DTNA: variants seen among roughly 807,000 people sequenced by gnomAD.
DTNA encodes dystrophin-related protein 3.
A neutral mutation model predicts 100.7 loss-of-function variants in DTNA; 43 were observed. That is an observed-to-expected ratio of 0.43 (90% confidence interval 0.33 to 0.55). The LOEUF is 0.55. Ranked by LOEUF, DTNA falls within the 20% of genes least tolerant of loss-of-function variation. The pLI is 0.04. For synonymous variants in DTNA, 349 were observed against 347.9 expected (o/e 1.00, Z -0.04); for missense variants, 798 against 953.9 (o/e 0.84, Z 2.15).
At chr18:34,555,507 A>G (rs28856895) in intron 1 of DTNA, among the ~76,000 whole-genome samples, 19,460 of 151,564 alleles carry the variant, frequency 0.13, 1,536 homozygotes, top group African/African-American at 0.21. Flanking sequence ...TCTCTTGTGG[A>G]CATTTAGTGC....
chr18:34,543,948 G>A (rs910650614), intron 1 of DTNA, among the ~76,000 whole-genome samples: 1 of 152,086 alleles, frequency 6.6e-6, no homozygotes, highest in Non-Finnish European at 1.5e-5. Context: ...GTTTTTGCAC[G>A]AAATTTTAGA....
chr18:34,748,093 T>C (rs1279685065), intron 1 of DTNA, among the ~76,000 whole-genome samples: 1 of 152,150 alleles, frequency 6.6e-6, no homozygotes, highest in Non-Finnish European at 1.5e-5. Context: ...TTGTTGGCCT[T>C]TTGTATATCT....
intron 1 of DTNA, among the ~76,000 whole-genome samples, chr18:34,695,445 C>T (rs1231049919): frequency 2.6e-5 from 4 of 152,166 alleles, no homozygotes; most frequent in African/African-American, 9.7e-5. Flanking sequence ...ACCTGGGGCT[C>T]GTGTGTAACA....
chr18:34,750,405 C>G (rs2092201615), intron 1 of DTNA, among the ~76,000 whole-genome samples: 1 of 152,180 alleles, frequency 6.6e-6, no homozygotes. Flanking sequence ...TTTGAGAGAG[C>G]TGTGACCCTT....
chr18:34,551,914 C>A (rs1306277124), intron 1 of DTNA, among the ~76,000 whole-genome samples: 1 of 152,106 alleles, frequency 6.6e-6, no homozygotes, highest in Non-Finnish European at 1.5e-5. Context: ...GTCAGTGGCT[C>A]TCATTCTATT....
chr18:34,814,923 C>A (rs985175962), intron 6 of DTNA, among the ~76,000 whole-genome samples: 2 of 151,922 alleles, frequency 1.3e-5, no homozygotes, highest in Non-Finnish European at 2.9e-5. Context: ...AAGATCATTT[C>A]AAATATGAAA....
In DTNA at chr18:34,552,553, AGAGTGT is replaced by A. The variant is rs2045552190; in HGVS notation, c.-2+59042_-2+59047del. Among the ~76,000 whole-genome samples, 3 of 113,810 alleles carry A rather than the reference AGAGTGT, an allele frequency of 2.6e-5. No homozygotes were observed. In the South Asian group the frequency reaches 8.7e-4, roughly 33 times the overall value. 74.7% of individuals were successfully genotyped at this position (113,810 alleles called of 152,430 possible). On this transcript the variant is annotated intron_variant, in intron 1 of 19. Coordinates refer to the DTNA transcript ENST00000283365. Reference sequence around the variant, plus strand: ...CTCCCCCCACCCCACCACAGTCCCCAGAGTGTGATATTCCCCTTCCTGTGTCCATGT... The same window carrying A: ...CTCCCCCCACCCCACCACAGTCCCCAGATATTCCCCTTCCTGTGTCCATGT...
At chr18:34,578,021 T>C (rs1054366854) in intron 1 of DTNA, among the ~76,000 whole-genome samples, 3 of 152,082 alleles carry the variant, frequency 2.0e-5, no homozygotes, top group African/African-American at 7.2e-5. Flanking sequence ...GCTGTACTTT[T>C]AGTTCTTTAA....
chr18:34,505,649 G>A (rs1295496044), intron 1 of DTNA, among the ~76,000 whole-genome samples: 2 of 151,192 alleles, frequency 1.3e-5, no homozygotes, highest in Admixed American at 1.3e-4. Flanking sequence ...TATATTTTGG[G>A]TATTTTTTTC....
At chr18:34,784,972 C>T (rs1434732209) in intron 3 of DTNA, among the ~76,000 whole-genome samples, 9 of 148,102 alleles carry the variant, frequency 6.1e-5, no homozygotes, top group African/African-American at 7.5e-5. Flanking sequence ...CTTGCTCTGT[C>T]GCCCAGGCTG....
chr18:34,781,661 A>G (rs1250353807), intron 3 of DTNA, among the ~76,000 whole-genome samples: 1 of 152,166 alleles, frequency 6.6e-6, no homozygotes, highest in Non-Finnish European at 1.5e-5. Flanking sequence ...TTTTCTATGC[A>G]CTAGGGAGCT....
chr18:34,875,135 T>A, intron 17 of DTNA, 104 bp from the exon 18 acceptor site: 1 of 1,517,256 alleles, frequency 6.6e-7, no homozygotes, highest in Non-Finnish European at 9.0e-7. Flanking sequence ...TCCTCCTGCT[T>A]TGAAATTTCA....
chr18:34,791,254 T>C (rs985027321), intron 3 of DTNA, among the ~76,000 whole-genome samples: 1 of 152,154 alleles, frequency 6.6e-6, no homozygotes, highest in Admixed American at 6.5e-5. Context: ...TCTTGACATA[T>C]ACCCATCTCC....
At chr18:34,621,281 A>G (rs1445913425) in intron 1 of DTNA, among the ~76,000 whole-genome samples, 2 of 150,780 alleles carry the variant, frequency 1.3e-5, no homozygotes, top group Non-Finnish European at 3.0e-5. Flanking sequence ...ATATATACAC[A>G]CACATCAATA....
rs1491407771 is a variant in DTNA at position 34,681,731 on chromosome 18, C to CACACACA, written c.-1-74245_-1-74244insACACACA. Among the ~76,000 whole-genome samples the CACACACA allele has an allele frequency of 2.0e-3, 297 of 148,132 alleles. 1 individual carries two copies. The highest frequency in any genetic ancestry group is 7.2e-3 in the African/African-American group (285 of 39,442). The stretch of plus-strand genomic sequence containing the variant: ...ACACACACACACACACACACACACA[C>CACACACA]CCCACACACACACACCCTATGGACA... On this transcript the variant is annotated intron_variant, in intron 1 of 19. Transcript: ENST00000283365.
chr18:34,497,322 A>G (rs914685886), intron 1 of DTNA, among the ~76,000 whole-genome samples: 5 of 152,186 alleles, frequency 3.3e-5, no homozygotes, highest in Non-Finnish European at 7.3e-5. Flanking sequence ...GATGCTGGGG[A>G]AATTCATATT....
At chr18:34,638,474 A>G (rs558818813) in intron 1 of DTNA, among the ~76,000 whole-genome samples, 123 of 152,216 alleles carry the variant, frequency 8.1e-4, no homozygotes, top group Middle Eastern at 3.4e-3. Flanking sequence ...TCCACCAACC[A>G]TGTTTCTGGT....
chr18:34,554,584 AG>A (rs1442103668), intron 1 of DTNA, among the ~76,000 whole-genome samples: 6,443 of 151,768 alleles, frequency 0.042, 345 homozygotes, highest in African/African-American at 0.13. Context: ...TTTAGCATGA[AG>A]GGTTGTTGAA....
At chr18:34,557,732 A>G (rs537070632) in intron 1 of DTNA, among the ~76,000 whole-genome samples, 1 of 147,428 alleles carries the variant, frequency 6.8e-6, no homozygotes, top group African/African-American at 2.4e-5. Flanking sequence ...CTGTTCTCAG[A>G]TTTCCAGCTA....
Sources: allele counts gnomAD v4.1 joint callset (sites outside exome capture counted in the v4.1 genomes callset), GRCh38; gene constraint gnomAD v4.1.1; transcripts MANE v1.5; gene names NCBI Gene and HGNC (gene_info 2026-07-23, HGNC 2026-07-21).